CDH18: variants seen among roughly 807,000 people sequenced by gnomAD.
CDH18 encodes cadherin-18.
Under a neutral mutation model 67.9 loss-of-function variants are expected in CDH18, and 31 were observed. The observed-to-expected ratio is 0.46, with a 90% CI of 0.34 to 0.62. The LOEUF (loss-of-function observed/expected upper bound fraction) is 0.62, where lower values mean the gene tolerates loss of function less well. Ranked by LOEUF, CDH18 falls within the 20% of genes least tolerant of loss-of-function variation. The pLI is 0.01. For synonymous variants in CDH18, 362 were observed against 347.2 expected, an observed-to-expected ratio of 1.04 and a Z score of -0.48; for missense variants, 890 against 975.5, an observed-to-expected ratio of 0.91 and a Z score of 1.17.
At chr5:20,274,432 G>T (rs1745654738) in intron 1 of CDH18, among the ~76,000 whole-genome samples, 1 of 152,026 alleles carries the variant, frequency 6.6e-6, no homozygotes, top group African/African-American at 2.4e-5. Context: ...GAAGTCAATA[G>T]AATGCATAGT....
chr5:20,122,537 CTA>C (rs1248522692), intron 2 of CDH18, among the ~76,000 whole-genome samples: 1 of 151,938 alleles, frequency 6.6e-6, no homozygotes, highest in Non-Finnish European at 1.5e-5. Context: ...AATTTGATAA[CTA>C]TAGTATCTTG....
intron 1 of CDH18, among the ~76,000 whole-genome samples, chr5:20,472,920 C>T (rs1375508648): frequency 6.6e-6 from 1 of 152,098 alleles, no homozygotes. Flanking sequence ...AACTGAGGTA[C>T]ATACTATTTT....
intron 9 of CDH18, among the ~76,000 whole-genome samples, chr5:19,529,591 T>C (rs1170463857): frequency 1.3e-5 from 2 of 152,024 alleles, no homozygotes; most frequent in African/African-American, 2.4e-5. Context: ...AAATACCATA[T>C]AATATACAAA....
chr5:20,529,321 T>G (rs1581157423), intron 1 of CDH18, among the ~76,000 whole-genome samples: 1 of 149,920 alleles, frequency 6.7e-6, no homozygotes, highest in Non-Finnish European at 1.5e-5. Context: ...CTACCAGAGA[T>G]ACAAAGAGGA....
In CDH18 at chr5:19,520,711, G is replaced by A. The variant is rs375821348; in HGVS notation, c.1458C>T (p.Pro486=). Reference sequence around the variant, plus strand: ...TAATATCATATTCCCTGGCAAGTTCGGGTGGATTGTCATTGACATCCAGAA... The same window carrying A: ...TAATATCATATTCCCTGGCAAGTTCAGGTGGATTGTCATTGACATCCAGAA... ...IRVLDVNDNP[P]ELAREYDIIV... is the part of the protein sequence containing the mutation. The change falls in exon 10 of 13, where the codon CCC becomes CCT. Residue 486 remains proline (P), a synonymous_variant. Coordinates refer to ENST00000382275, the MANE Select transcript of CDH18 (RefSeq NM_004934.5). 54 of 1,612,944 alleles carry A rather than the reference G, an allele frequency of 3.3e-5. No individual in the cohort carries two copies. The African/African-American group carries it at 6.0e-4, about 18-fold the overall frequency.
rs552650740 is a variant in CDH18 at position 20,118,574 on chromosome 5, T to C, written c.-517-126560A>G. On this transcript the variant is annotated intron_variant, in intron 2 of 14. Coordinates refer to the CDH18 transcript ENST00000507958. Reference sequence around the variant, plus strand: ...TAGCATGTCATTCAAGGCTTCTTTGTATCTCTCCAGACTTACCATCTACAG... The same window carrying C: ...TAGCATGTCATTCAAGGCTTCTTTGCATCTCTCCAGACTTACCATCTACAG... 2.6e-5 allele frequency among the ~76,000 whole-genome samples: 4 copies of C among 152,324 alleles called. No individual in the cohort carries two copies. In the South Asian group the frequency reaches 6.2e-4, roughly 24 times the overall value.
chr5:19,508,725 T>C (rs1744631127), intron 10 of CDH18, among the ~76,000 whole-genome samples: 1 of 152,176 alleles, frequency 6.6e-6, no homozygotes, highest in African/African-American at 2.4e-5. Flanking sequence ...TTACTGTTAC[T>C]GTTAATTAGA....
At chr5:20,549,662 G>A (rs1757528444) in intron 1 of CDH18, among the ~76,000 whole-genome samples, 1 of 152,072 alleles carries the variant, frequency 6.6e-6, no homozygotes, top group Non-Finnish European at 1.5e-5. Flanking sequence ...TCACTACTGA[G>A]TAAAGAAGGA....
chr5:19,766,670 T>C (rs999835793), intron 3 of CDH18, among the ~76,000 whole-genome samples: 2 of 152,182 alleles, frequency 1.3e-5, no homozygotes, highest in African/African-American at 4.8e-5. Context: ...ACAGAATCAT[T>C]TGGCTCATTC....
At chr5:20,140,493 A>G (rs1437298820) in intron 2 of CDH18, among the ~76,000 whole-genome samples, 1 of 151,878 alleles carries the variant, frequency 6.6e-6, no homozygotes, top group East Asian at 1.9e-4. Context: ...ATAAAAAAAG[A>G]AATTCTTTAG....
intron 2 of CDH18, among the ~76,000 whole-genome samples, chr5:20,211,198 A>G (rs1027415958): frequency 7.2e-5 from 11 of 152,124 alleles, no homozygotes; most frequent in Non-Finnish European, 1.3e-4. Flanking sequence ...CCACTGTGTA[A>G]TGGGAGAGGG....
intron 1 of CDH18, among the ~76,000 whole-genome samples, chr5:20,427,369 A>T: frequency 6.6e-6 from 1 of 151,268 alleles, no homozygotes; most frequent in East Asian, 1.9e-4. Flanking sequence ...TAATAGAATA[A>T]ACATCACATA....
chr5:19,622,652 G>C (rs1298713924), intron 5 of CDH18, among the ~76,000 whole-genome samples: 1 of 152,132 alleles, frequency 6.6e-6, no homozygotes, highest in Non-Finnish European at 1.5e-5. Context: ...AAGTGATCTA[G>C]CTAGATTGTT....
intron 5 of CDH18, among the ~76,000 whole-genome samples, chr5:19,622,033 A>T (rs1750796641): frequency 6.6e-6 from 1 of 152,146 alleles, no homozygotes; most frequent in African/African-American, 2.4e-5. Context: ...GGATGAAAAA[A>T]TAAGAAAGAA....
chr5:20,087,718 C>A (rs1157273564), intron 2 of CDH18, among the ~76,000 whole-genome samples: 1 of 152,140 alleles, frequency 6.6e-6, no homozygotes, highest in Admixed American at 6.6e-5. Flanking sequence ...TGCTATTTTG[C>A]ACTTAATACA....
chr5:19,749,818 C>G (rs1215007883), intron 3 of CDH18, among the ~76,000 whole-genome samples: 1 of 148,990 alleles, frequency 6.7e-6, no homozygotes, highest in Non-Finnish European at 1.5e-5. Context: ...CATATATATA[C>G]TTTTTATAAT....
At chr5:20,214,266 C>T (rs936005056) in intron 2 of CDH18, among the ~76,000 whole-genome samples, 3 of 151,956 alleles carry the variant, frequency 2.0e-5, no homozygotes, top group Non-Finnish European at 1.5e-5. Context: ...GCCATACTGT[C>T]CAAAAAACAT....
At chr5:19,584,805 A>AAAAAAAAAG (rs1743868286) in intron 7 of CDH18, among the ~76,000 whole-genome samples, 2 of 148,538 alleles carry the variant, frequency 1.3e-5, no homozygotes, top group African/African-American at 4.9e-5. Context: ...AAAAAAAAAA[A>AAAAAAAAAG]AAAAAAAGAA....
chr5:20,481,676 A>C (rs1752820783), intron 1 of CDH18, among the ~76,000 whole-genome samples: 1 of 152,148 alleles, frequency 6.6e-6, no homozygotes, highest in Non-Finnish European at 1.5e-5. Flanking sequence ...AAACATATGG[A>C]AATTAAACGA....
Sources: allele counts gnomAD v4.1 joint callset (sites outside exome capture counted in the v4.1 genomes callset), GRCh38; gene constraint gnomAD v4.1.1; transcripts MANE v1.5; gene names NCBI Gene and HGNC (gene_info 2026-07-23, HGNC 2026-07-21).